The following USP20 variants were observed in gnomAD, a reference collection of about 807,000 sequenced individuals.
USP20 encodes ubiquitin carboxyl-terminal hydrolase 20.
A neutral mutation model predicts 124.2 loss-of-function variants in USP20; 80 were observed. The observed-to-expected ratio is 0.64, with a 90% CI of 0.54 to 0.78. USP20 has a LOEUF of 0.78. USP20 is among the 30% of genes least tolerant of loss of function. USP20 has a pLI of 0.00. For synonymous variants in USP20, 481 were observed against 512.3 expected, an observed-to-expected ratio of 0.94 and a Z score of 0.83; for missense variants, 1,043 against 1,244.4, an observed-to-expected ratio of 0.84 and a Z score of 2.44.
Position 129,846,767 on chromosome 9 carries a change from C to T in USP20, c.-128-3046C>T, listed in dbSNP as rs577817514. The stretch of plus-strand genomic sequence containing the variant: ...TCAGCCTCCCTACTAGCTGGGAATA[C>T]AGGCTCCCGCCACCACGCCCGGCTA... On this transcript the variant is annotated intron_variant, in intron 1 of 25. Coordinates refer to ENST00000372429, the MANE Select transcript of USP20 (RefSeq NM_001110303.4). 2.6e-5 allele frequency among the ~76,000 whole-genome samples: 4 copies of T among 151,860 alleles called. No individual in the cohort carries two copies. In the East Asian group the frequency reaches 5.9e-4, roughly 22 times the overall value.
intron 24 of USP20, 89 bp from the exon 25 acceptor site, chr9:129,880,024 G>T: frequency 6.6e-7 from 1 of 1,510,874 alleles, no homozygotes; most frequent in Non-Finnish European, 8.9e-7. Context: ...CCGCTTCGGG[G>T]CCTGGCCCTG....
Position 129,880,247 on chromosome 9 carries a change from A to G in USP20, c.2719A>G (p.Ile907Val), listed in dbSNP as rs2034584481. ...GPENLHGEQKIEAETRAV is the reference protein window; with the variant it reads ...GPENLHGEQKVEAETRAV ...AGAGAACCTGCACGGGGAGCAGAAG[A>G]TCGAAGCCGAGACGCGGGCCGTGTG... Residue 907 changes from isoleucine to valine, a missense_variant, in exon 25 of 26, where the codon ATC becomes GTC. Coordinates refer to ENST00000372429, the MANE Select transcript of USP20 (RefSeq NM_001110303.4). 1 of 1,609,788 alleles carries G rather than the reference A, an allele frequency of 6.2e-7. No homozygotes were observed. Among genetic ancestry groups the G allele is most frequent in the Non-Finnish European group, 8.5e-7 (1 of 1,178,700 alleles).
In USP20 at chr9:129,879,562, G is replaced by A. The variant is rs1028802632; in HGVS notation, c.2513-11G>A. 9 of 1,613,146 alleles carry A rather than the reference G, an allele frequency of 5.6e-6. No individual in the cohort carries two copies. The African/African-American group carries it at 1.1e-4, about 19-fold the overall frequency. ...CAGGGGCTGAACCCGAGCCCGCTGT[G>A]TCTGTTGCAGAGCCCCCCGGGCCCA... On this transcript the variant is annotated splice_polypyrimidine_tract_variant and intron_variant, in intron 23 of 25. Coordinates refer to ENST00000372429, the MANE Select transcript of USP20 (RefSeq NM_001110303.4). The surrounding 1 kb of genome is among the most constrained non-coding windows in gnomAD (Gnocchi z 4.2).
At chr9:129,870,197 C>T in intron 14 of USP20, 3 of 571,368 alleles carry the variant, frequency 5.3e-6, no homozygotes, top group Non-Finnish European at 9.4e-6. Context: ...CCGCATGACC[C>T]CAGGGAGGGG....
chr9:129,846,979 A>C (rs1159793654), intron 1 of USP20, among the ~76,000 whole-genome samples: 7 of 152,192 alleles, frequency 4.6e-5, no homozygotes, highest in Non-Finnish European at 8.8e-5. Flanking sequence ...AGCGTGTGTC[A>C]AAATTTCCCT....
chr9:129,840,037 C>T (rs184508473), intron 1 of USP20, among the ~76,000 whole-genome samples: 422 of 152,300 alleles, frequency 2.8e-3, no homozygotes, highest in Non-Finnish European at 5.2e-3. Flanking sequence ...AGGCCTTCCT[C>T]CCCCCATCCT....
intron 3 of USP20, 139 bp from the exon 4 acceptor site, chr9:129,856,168 C>T: frequency 1.2e-6 from 1 of 816,672 alleles, no homozygotes; most frequent in Non-Finnish European, 2.1e-6. Flanking sequence ...GAAGGCCTTT[C>T]TGGGGCCAGG....
intron 22 of USP20, among the ~76,000 whole-genome samples, chr9:129,876,607 C>A (rs570426664): frequency 6.7e-6 from 1 of 149,588 alleles, no homozygotes. Flanking sequence ...CCACTGCGCT[C>A]CAGCCTGGGC....
chr9:129,863,065 T>A, intron 8 of USP20, 121 bp from the exon 9 acceptor site: 1 of 608,204 alleles, frequency 1.6e-6, no homozygotes, highest in Admixed American at 3.5e-5. Context: ...CAGGAGTTTC[T>A]GGGTCCAGGG....
At chr9:129,870,337 C>T in intron 14 of USP20, 116 bp from the exon 15 acceptor site, 2 of 1,152,748 alleles carry the variant, frequency 1.7e-6, no homozygotes, top group Non-Finnish European at 2.5e-6. Context: ...GGCTGCTTCT[C>T]TGGGCCTTCA....
chr9:129,839,392 T>G lies in USP20; in HGVS notation c.-129+3893T>G, dbSNP rs2032061394. ...GGCGATGAGGAGACACAGAAGTGTG[T>G]GGGCAGCAGAGACTGTGGAAGTGTG... On this transcript the variant is annotated intron_variant, in intron 1 of 25. Coordinates refer to ENST00000372429, the MANE Select transcript of USP20 (RefSeq NM_001110303.4). The surrounding 1 kb of genome is among the most constrained non-coding windows in gnomAD (Gnocchi z 4.5). Among the ~76,000 whole-genome samples the G allele has an allele frequency of 6.6e-6, 1 of 151,940 alleles. No individual in the cohort carries two copies. The highest frequency in any genetic ancestry group is 2.4e-5 in the African/African-American group (1 of 41,350).
rs76936936 is a variant in USP20 at position 129,875,073 on chromosome 9, T to G, written c.2048+118T>G. Reference sequence around the variant, plus strand: ...GGATTAAGCCAGGGAAGTAAGGACTTGGATTGTTAAGAAACAGCCCTCTGG... The same window carrying G: ...GGATTAAGCCAGGGAAGTAAGGACTGGGATTGTTAAGAAACAGCCCTCTGG... On this transcript the variant is annotated intron_variant, in intron 19 of 25. Coordinates refer to ENST00000372429, the MANE Select transcript of USP20 (RefSeq NM_001110303.4). 6.9e-6 allele frequency: 10 copies of G among 1,450,484 alleles called. No individual in the cohort carries two copies. In the South Asian group the frequency reaches 1.3e-4, roughly 19 times the overall value. The allele number at this position is 1,450,484 out of a possible 1,614,324, so 89.9% of individuals were successfully genotyped here.
At chr9:129,867,925 G>A (rs1182759017) in intron 10 of USP20, 80 bp from the exon 11 acceptor site, 38 of 1,503,334 alleles carry the variant, frequency 2.5e-5, no homozygotes, top group East Asian at 4.6e-5. Flanking sequence ...GGAGGCTGGC[G>A]CTCTCATCAG....
intron 10 of USP20, 88 bp from the exon 11 acceptor site, chr9:129,867,917 A>G (rs2033898285): frequency 6.8e-7 from 1 of 1,476,886 alleles, no homozygotes; most frequent in Non-Finnish European, 9.0e-7. Context: ...TCCTAGATGG[A>G]GGCTGGCGCT....
At chr9:129,855,789 G>C (rs2033183383) in intron 3 of USP20, among the ~76,000 whole-genome samples, 1 of 152,192 alleles carries the variant, frequency 6.6e-6, no homozygotes, top group African/African-American at 2.4e-5. Flanking sequence ...TAGACACGGA[G>C]CAGGCTTTGA....
In USP20 at chr9:129,869,368, C is replaced by T. The variant is rs2034001878; in HGVS notation, c.1335C>T (p.Ile445=). 1 of 1,613,620 alleles carries T rather than the reference C, an allele frequency of 6.2e-7. No homozygotes were observed. The part of the protein sequence containing the change: ...RRKEQRYRSV[I]SDIFDGSILS... ...AGGAGCAGCGCTACCGCAGCGTCAT[C>T]TCAGACATCTTTGACGGCTCCATTC... The change falls in exon 13 of 26, where the codon ATC becomes ATT. Residue 445 remains isoleucine (I), a synonymous_variant. Coordinates refer to ENST00000372429, the MANE Select transcript of USP20 (RefSeq NM_001110303.4).
At position 129,870,498 on chromosome 9, in the gene USP20, C is replaced by T; in HGVS notation, c.1611C>T (p.Val537=). 1.2e-6 allele frequency: 2 copies of T among 1,614,204 alleles called. No individual in the cohort carries two copies. Among genetic ancestry groups the T allele is most frequent in the Non-Finnish European group, 1.7e-6 (2 of 1,180,030 alleles). The change falls in exon 15 of 26, where the codon GTC becomes GTT. Residue 537 remains valine (V), a synonymous_variant. Transcript: ENST00000372429. ...CCAGCTGGTTTTGGGGGCCTGTCGT[C>T]ACCCTGGAAGACTGCCTTGCTGCCT... ...CTPSWFWGPV[V]TLEDCLAAFF...
rs35809246 is a variant in USP20, at chr9:129,846,247, A to ATT, written c.-128-3541_-128-3540dup. 5.2e-3 allele frequency among the ~76,000 whole-genome samples: 170 copies of ATT among 32,686 alleles called. 18 individuals carry two copies. Among genetic ancestry groups the ATT allele is most frequent in the African/African-American group, 6.1e-3 (52 of 8,546 alleles). The allele number at this position is 32,686 out of a possible 152,430, so 21.4% of individuals were successfully genotyped here. On this transcript the variant is annotated intron_variant, in intron 1 of 25. Transcript: ENST00000372429. ...CCCAGCCATATATATATATATATATATTTTTTTTTTTTTTTTTTTTTTTTT... is the reference window on the plus strand; with the variant it reads ...CCCAGCCATATATATATATATATATATTTTTTTTTTTTTTTTTTTTTTTTTTT...
chr9:129,851,258 C>CTTTTTTTTTTTTT (rs35791819), intron 2 of USP20, among the ~76,000 whole-genome samples: 1 of 126,244 alleles, frequency 7.9e-6, no homozygotes, highest in Non-Finnish European at 1.6e-5. Context: ...ATAACACATA[C>CTTTTTTTTTTTTT]TTTTTTTTTT....
Sources: allele counts gnomAD v4.1 joint callset (sites outside exome capture counted in the v4.1 genomes callset), GRCh38; gene constraint gnomAD v4.1.1; non-coding constraint Gnocchi (gnomAD v3.1); transcripts MANE v1.5; gene names NCBI Gene and HGNC (gene_info 2026-07-23, HGNC 2026-07-21).